Variants in PDE3B observed in about 807,000 individuals in gnomAD.
PDE3B encodes cGMP-inhibited 3',5'-cyclic phosphodiesterase 3B.
Under a neutral mutation model 116.8 loss-of-function variants are expected in PDE3B, and 66 were observed. The observed-to-expected ratio is 0.56, with a 90% CI of 0.46 to 0.69. The LOEUF (loss-of-function observed/expected upper bound fraction) is 0.69, where lower values mean the gene tolerates loss of function less well. PDE3B is among the 30% of genes least tolerant of loss of function. The pLI is 0.00. For synonymous variants in PDE3B, 595 were observed against 533.6 expected, an observed-to-expected ratio of 1.12 and a Z score of -1.59; for missense variants, 1,384 against 1,368.1, an observed-to-expected ratio of 1.01 and a Z score of -0.18.
chr11:14,654,176 A>T (rs1386601022), intron 1 of PDE3B, among the ~76,000 whole-genome samples: 2 of 152,236 alleles, frequency 1.3e-5, no homozygotes, highest in East Asian at 1.9e-4. Flanking sequence ...TAAAGAACTG[A>T]TGAAAAATGC....
chr11:14,804,964 A>T (rs143057742), intron 5 of PDE3B, among the ~76,000 whole-genome samples: 1 of 152,300 alleles, frequency 6.6e-6, no homozygotes, highest in East Asian at 1.9e-4. Context: ...AATAGAAAAT[A>T]CCCAAACTGA....
chr11:14,664,618 G>T (rs868573631), intron 1 of PDE3B, among the ~76,000 whole-genome samples: 8 of 152,050 alleles, frequency 5.3e-5, no homozygotes, highest in Non-Finnish European at 1.2e-4. Flanking sequence ...ACAAACTACC[G>T]TCAGAGGATA....
the PDE3B span, among the ~76,000 whole-genome samples, chr11:14,882,332 T>C: frequency 1.2e-4 from 19 of 152,056 alleles, no homozygotes; most frequent in Admixed American, 6.6e-5. Flanking sequence ...ACTGAGAAGA[T>C]GACATCTGAG....
chr11:14,688,113 TTCTCTCTCTCTC>T (rs35700152), intron 1 of PDE3B, among the ~76,000 whole-genome samples: 3 of 109,880 alleles, frequency 2.7e-5, no homozygotes, highest in African/African-American at 7.1e-5. Flanking sequence ...CTCTCTCTCT[TTCTCTCTCTCTC>T]TCTCTCTCTC....
chr11:14,863,376 C>T (rs906976080), intron 14 of PDE3B, among the ~76,000 whole-genome samples: 3 of 152,166 alleles, frequency 2.0e-5, no homozygotes, highest in African/African-American at 4.8e-5. Flanking sequence ...TTCTAATGAT[C>T]GCCATTCCAA....
chr11:14,772,154 A>AT (rs1289639062), intron 2 of PDE3B, 167 bp downstream of exon 2: 17 of 364,566 alleles, frequency 4.7e-5, no homozygotes, highest in African/African-American at 3.4e-4. Flanking sequence ...ATTGAGGTAG[A>AT]TTTTTTAAAA....
the PDE3B span, chr11:14,877,522 C>G: frequency 6.6e-6 from 1 of 152,138 alleles, no homozygotes; most frequent in South Asian, 2.1e-4. Flanking sequence ...CACACAGACC[C>G]TCATTTATAA....
chr11:14,744,009 C>T (rs1856840934), intron 1 of PDE3B, among the ~76,000 whole-genome samples: 1 of 152,342 alleles, frequency 6.6e-6, no homozygotes. Context: ...GCTATTCGAC[C>T]ATCTTGCCAG....
At chr11:14,678,129 A>G (rs909853282) in intron 1 of PDE3B, among the ~76,000 whole-genome samples, 2 of 152,078 alleles carry the variant, frequency 1.3e-5, no homozygotes, top group Non-Finnish European at 2.9e-5. Flanking sequence ...GGGCTTTGCC[A>G]TGTTGGCTAG....
chr11:14,656,284 A>C (rs1332684719), intron 1 of PDE3B, among the ~76,000 whole-genome samples: 2 of 152,204 alleles, frequency 1.3e-5, no homozygotes, highest in Non-Finnish European at 2.9e-5. Context: ...TGAATGGTTG[A>C]TACCTCTTTT....
chr11:14,723,542 C>T (rs1191208531), intron 1 of PDE3B, among the ~76,000 whole-genome samples: 1 of 151,916 alleles, frequency 6.6e-6, no homozygotes, highest in African/African-American at 2.4e-5. Context: ...TCGCCTGAGG[C>T]CAGGAGTTTG....
At chr11:14,667,768 A>G (rs1229054073) in intron 1 of PDE3B, among the ~76,000 whole-genome samples, 2 of 151,464 alleles carry the variant, frequency 1.3e-5, no homozygotes, top group African/African-American at 4.8e-5. Context: ...CAGCACAGCA[A>G]CATGGCACAT....
intron 1 of PDE3B, among the ~76,000 whole-genome samples, chr11:14,686,152 T>C: frequency 6.6e-6 from 1 of 152,230 alleles, no homozygotes; most frequent in East Asian, 1.9e-4. Flanking sequence ...CTGATGGAAT[T>C]CTGCCTGGGT....
chr11:14,867,471 A>C (rs782128632), intron 14 of PDE3B, 35 bp from the exon 15 acceptor site: 29 of 1,589,166 alleles, frequency 1.8e-5, no homozygotes, highest in Non-Finnish European at 1.7e-6. Context: ...TTCTTTCACC[A>C]GTTAAAAATG....
intron 1 of PDE3B, among the ~76,000 whole-genome samples, chr11:14,742,763 C>CT (rs1856806788): frequency 6.6e-6 from 1 of 151,800 alleles, no homozygotes; most frequent in Non-Finnish European, 1.5e-5. Context: ...TGGATGGGGT[C>CT]TTTGAGTGGA....
At position 14,726,103 on chromosome 11, in the gene PDE3B, C is replaced by G. The variant is rs532940964; in HGVS notation, c.979-45834C>G. Reference sequence around the variant, plus strand: ...TTTTTTCACTTGGAATGCTCTTCCCCCATATTTTCACTTAGCTTGCTCCCT... The same window carrying G: ...TTTTTTCACTTGGAATGCTCTTCCCGCATATTTTCACTTAGCTTGCTCCCT... On this transcript the variant is annotated intron_variant, in intron 1 of 15. Coordinates refer to ENST00000282096, the MANE Select transcript of PDE3B (RefSeq NM_000922.4). 4.4e-3 allele frequency among the ~76,000 whole-genome samples: 673 copies of G among 152,276 alleles called. 3 individuals are homozygous for G. Among genetic ancestry groups the G allele is most frequent in the African/African-American group, 0.015 (638 of 41,560 alleles).
intron 1 of PDE3B, among the ~76,000 whole-genome samples, chr11:14,722,400 AAAAT>A (rs745417349): frequency 6.6e-6 from 1 of 152,202 alleles, no homozygotes; most frequent in Non-Finnish European, 1.5e-5. Context: ...TAGAGTAAAA[AAAAT>A]AAATCCAATA....
At chr11:14,667,981 GAC>G (rs1854231345) in intron 1 of PDE3B, among the ~76,000 whole-genome samples, 1 of 150,162 alleles carries the variant, frequency 6.7e-6, no homozygotes, top group South Asian at 2.1e-4. Flanking sequence ...ATAATTTTCA[GAC>G]ATTATAAAAA....
chr11:14,894,840 CAAT>C, the PDE3B span, among the ~76,000 whole-genome samples: 1 of 152,184 alleles, frequency 6.6e-6, no homozygotes, highest in African/African-American at 2.4e-5. Context: ...AGAAAACAAT[CAAT>C]AATGTTTGTC....
Sources: gnomAD v4.1 joint callset for allele counts (sites outside exome capture counted in the v4.1 genomes callset) on GRCh38, gnomAD v4.1.1 for gene constraint, MANE v1.5 for transcripts, NCBI Gene and HGNC (gene_info 2026-07-23, HGNC 2026-07-21) for gene names.